CCDC174: variants seen among roughly 807,000 people sequenced by gnomAD.
CCDC174 encodes coiled-coil domain containing 174.
A neutral mutation model predicts 57.1 loss-of-function variants in CCDC174; 37 were observed. The observed-to-expected ratio is 0.65, with a 90% CI of 0.50 to 0.85. The LOEUF (loss-of-function observed/expected upper bound fraction) is 0.85, where lower values mean the gene tolerates loss of function less well. Ranked by LOEUF, CCDC174 falls within the 40% of genes least tolerant of loss-of-function variation. The pLI is 0.00. For missense variants in CCDC174, 540 were observed against 574.3 expected (o/e 0.94, Z 0.61); for synonymous variants, 182 against 190.2 (o/e 0.96, Z 0.35).
At chr3:14,651,921 C>G in intron 1 of CCDC174, 43 bp downstream of exon 1, 1 of 1,593,124 alleles carries the variant, frequency 6.3e-7, no homozygotes. Flanking sequence ...CCGGGTTCAC[C>G]GTGTCTCCAT....
Position 14,651,795 on chromosome 3 carries a change from G to T in CCDC174, c.-42G>T. On this transcript the variant is annotated 5_prime_UTR_variant, in exon 1 of 11. Transcript: ENST00000383794. ...GGTAGGCTTACGAGGCCTGTGTCGG[G>T]TAGAAAGGGTCCTTCCTGGACCGGG... 6.2e-7 allele frequency: 1 copy of T among 1,610,664 alleles called. No homozygotes were observed. The highest frequency in any genetic ancestry group is 1.1e-5 in the South Asian group (1 of 90,934).
chr3:14,668,568 A>G (rs2031416189), intron 9 of CCDC174, among the ~76,000 whole-genome samples: 3 of 152,210 alleles, frequency 2.0e-5, no homozygotes. Context: ...TTACATAGTA[A>G]AAGAATTTAG....
intron 5 of CCDC174, among the ~76,000 whole-genome samples, chr3:14,663,930 A>G (rs2031233508): frequency 1.3e-5 from 2 of 152,268 alleles, no homozygotes; most frequent in South Asian, 4.1e-4. Flanking sequence ...CCAGAATTGT[A>G]ATTGCTTGTA....
In CCDC174 at chr3:14,663,573, A is replaced by C. The variant is rs58964847; in HGVS notation, c.486-1455A>C. ...TTGTATTACTCTCCTTGCCTGGGGA[A>C]AGCTTTGTTTGCCTGCAGGGGTTGC... is the stretch of plus-strand genomic sequence containing the variant. On this transcript the variant is annotated intron_variant, in intron 5 of 10. Transcript: ENST00000383794. Among the ~76,000 whole-genome samples, 1,439 of 152,172 alleles carry C rather than the reference A, an allele frequency of 9.5e-3. 17 individuals carry two copies. Among genetic ancestry groups the C allele is most frequent in the African/African-American group, 0.032 (1,328 of 41,526 alleles).
chr3:14,654,228 G>A (rs1559378716), intron 1 of CCDC174, among the ~76,000 whole-genome samples, 198 bp from the exon 2 acceptor site: 1 of 152,192 alleles, frequency 6.6e-6, no homozygotes, highest in Non-Finnish European at 1.5e-5. Context: ...TGCAGCAGAG[G>A]TAGAATGAAA....
chr3:14,656,200 C>G (rs547252313), intron 3 of CCDC174, among the ~76,000 whole-genome samples: 1 of 152,298 alleles, frequency 6.6e-6, no homozygotes, highest in African/African-American at 2.4e-5. Context: ...AAATTTAACA[C>G]TGATAAATTA....
chr3:14,651,856 C>T lies in CCDC174; in HGVS notation c.20C>T (p.Pro7Leu). Residue 7 changes from proline to leucine, a missense_variant, in exon 1 of 11, where the codon CCT becomes CTT. Transcript: ENST00000383794. MDRRKK[P>L]LDVTASSLVD... ...ACGACCATGGACCGTAGGAAAAAGC[C>T]TTTGGACGTCACGGCCTCCTCGGTG... is the stretch of plus-strand genomic sequence containing the variant. 1 of 1,614,134 alleles carries T rather than the reference C, an allele frequency of 6.2e-7. No homozygotes were observed. The highest frequency in any genetic ancestry group is 8.5e-7 in the Non-Finnish European group (1 of 1,180,000).
chr3:14,664,505 C>G (rs905196352), intron 5 of CCDC174, among the ~76,000 whole-genome samples: 1 of 152,166 alleles, frequency 6.6e-6, no homozygotes, highest in Non-Finnish European at 1.5e-5. Context: ...GTTTGGCTTC[C>G]TCCTAATTAA....
At chr3:14,670,514 G>A (rs10510430) in intron 10 of CCDC174, among the ~76,000 whole-genome samples, 5,269 of 152,300 alleles carry the variant, frequency 0.035, 209 homozygotes, top group African/African-American at 0.1. Context: ...AGAAATGCAA[G>A]AGCCACTGTT....
chr3:14,667,535 A>C lies in CCDC174; in HGVS notation c.819+17A>C, dbSNP rs760898751. The C allele has an allele frequency of 6.3e-7, 1 of 1,585,388 alleles. No individual in the cohort carries two copies. Among genetic ancestry groups the C allele is most frequent in the Admixed American group, 1.7e-5 (1 of 59,968 alleles). ...CGTGAACAGGTACAGATAAATCCCA[A>C]GTGACTGTGAGGAAAGATGTGAGCG... On this transcript the variant is annotated intron_variant, in intron 8 of 10. Transcript: ENST00000383794.
chr3:14,662,230 C>T (rs755400487), intron 5 of CCDC174, among the ~76,000 whole-genome samples: 81 of 152,180 alleles, frequency 5.3e-4, no homozygotes, highest in Non-Finnish European at 1.0e-3. Flanking sequence ...CTTTTACTGG[C>T]TGTATGATCT....
In CCDC174 at chr3:14,671,117, G is replaced by T; in HGVS notation, c.1327G>T (p.Asp443Tyr). 6.2e-7 allele frequency: 1 copy of T among 1,614,034 alleles called. No individual in the cohort carries two copies. The highest frequency in any genetic ancestry group is 8.5e-7 in the Non-Finnish European group (1 of 1,180,012). ...ACATACGTCACCCACTCCTGCCCCCGACAACCCACCACAAGCCCCCACAGT... is the reference window on the plus strand; with the variant it reads ...ACATACGTCACCCACTCCTGCCCCCTACAACCCACCACAAGCCCCCACAGT... ...PEHTSPTPAP[D>Y]NPPQAPTVTF... The change falls in exon 11 of 11, where the codon GAC becomes TAC. Residue 443 changes from aspartate (D) to tyrosine (Y), a missense_variant. By Grantham distance (160) the Asp-to-Tyr change is radical. Transcript: ENST00000383794.
chr3:14,665,336 G>A (rs1346809602), intron 6 of CCDC174, among the ~76,000 whole-genome samples: 1 of 152,200 alleles, frequency 6.6e-6, no homozygotes, highest in Non-Finnish European at 1.5e-5. Flanking sequence ...TGGTGGATGA[G>A]TAGAGCTGTC....
chr3:14,664,249 C>T (rs2031244876), intron 5 of CCDC174, among the ~76,000 whole-genome samples: 1 of 152,204 alleles, frequency 6.6e-6, no homozygotes, highest in African/African-American at 2.4e-5. Flanking sequence ...ATTGGTCTGC[C>T]AGCTAGTACT....
chr3:14,665,263 AAGCACTTT>A, intron 6 of CCDC174, 140 bp downstream of exon 6: 4 of 658,598 alleles, frequency 6.1e-6, no homozygotes, highest in Non-Finnish European at 8.1e-6. Flanking sequence ...TGATTGATTG[AAGCACTTT>A]TTAGTGGTTA....
intron 5 of CCDC174, among the ~76,000 whole-genome samples, chr3:14,662,402 G>A (rs1026028796): frequency 3.6e-5 from 5 of 138,668 alleles, no homozygotes; most frequent in African/African-American, 1.1e-4. Context: ...AGTATAAGCA[G>A]GCATTTTGTA....
chr3:14,654,558 T>C (rs2030887037), intron 2 of CCDC174, 28 bp downstream of exon 2: 2 of 1,100,524 alleles, frequency 1.8e-6, no homozygotes, highest in Non-Finnish European at 2.7e-6. Flanking sequence ...ATTATCTCCA[T>C]TGGTTCCAAA....
intron 9 of CCDC174, among the ~76,000 whole-genome samples, chr3:14,669,708 C>T (rs1281135210): frequency 6.6e-6 from 1 of 152,140 alleles, no homozygotes; most frequent in Non-Finnish European, 1.5e-5. Flanking sequence ...GCTTAATTTT[C>T]CCCCTCTATA....
chr3:14,670,292 T>C (rs887816660), intron 10 of CCDC174, among the ~76,000 whole-genome samples: 1 of 152,254 alleles, frequency 6.6e-6, no homozygotes, highest in African/African-American at 2.4e-5. Context: ...TCTTTTATGT[T>C]CAGTTGAAAA....
Sources: gnomAD v4.1 joint callset for allele counts (sites outside exome capture counted in the v4.1 genomes callset) on GRCh38, gnomAD v4.1.1 for gene constraint, MANE v1.5 for transcripts, NCBI Gene and HGNC (gene_info 2026-07-23, HGNC 2026-07-21) for gene names.